NAALADL2: variants seen among roughly 807,000 people sequenced by gnomAD.
NAALADL2 encodes the protein inactive N-acetylated-alpha-linked acidic dipeptidase-like protein 2.
A neutral mutation model predicts 87.2 loss-of-function variants in NAALADL2; 76 were observed. That is an observed-to-expected ratio of 0.87 (90% CI 0.72 to 1.05). The LOEUF is 1.05. NAALADL2 is among the 50% of genes least tolerant of loss of function. The probability of loss-of-function intolerance (pLI) is 0.00; values close to 1 mark genes in which losing one functional copy is unlikely to be tolerated. For synonymous variants in NAALADL2, 354 were observed against 331.0 expected (o/e 1.07, Z -0.75); for missense variants, 1,089 against 945.8 (o/e 1.15, Z -1.99).
chr3:175,405,173 T>C (rs1403756914), intron 5 of NAALADL2, among the ~76,000 whole-genome samples: 1 of 152,190 alleles, frequency 6.6e-6, no homozygotes, highest in African/African-American at 2.4e-5. Context: ...AAATGCAACT[T>C]TAAACATCTT....
intron 1 of NAALADL2, among the ~76,000 whole-genome samples, chr3:174,972,103 T>C (rs1003501952): frequency 4.6e-5 from 7 of 152,094 alleles, no homozygotes; most frequent in African/African-American, 1.7e-4. Context: ...CCCCTCCATA[T>C]TTTCTTACTC....
chr3:174,685,907 G>C (rs1326143273), intron 2 of NAALADL2, among the ~76,000 whole-genome samples: 1 of 146,946 alleles, frequency 6.8e-6, no homozygotes, highest in Non-Finnish European at 1.5e-5. Flanking sequence ...GTATAAGTGA[G>C]AACATGCGGT....
At chr3:174,797,298 C>CTTT (rs765233495) in intron 3 of NAALADL2, among the ~76,000 whole-genome samples, 1,229 of 97,364 alleles carry the variant, frequency 0.013, 120 homozygotes, top group East Asian at 0.024. Context: ...TTTTGTTTTT[C>CTTT]TTTTTTCTTT....
chr3:175,607,017 ATT>A (rs1246468310), intron 10 of NAALADL2, among the ~76,000 whole-genome samples: 1 of 152,206 alleles, frequency 6.6e-6, no homozygotes, highest in Admixed American at 6.5e-5. Context: ...CACAAAAGCT[ATT>A]GAACTGCAGC....
intron 12 of NAALADL2, among the ~76,000 whole-genome samples, chr3:175,749,488 T>C (rs1376992847): frequency 6.6e-6 from 1 of 151,988 alleles, no homozygotes; most frequent in African/African-American, 2.4e-5. Context: ...AGTTTCTGCT[T>C]GTAAGAAGGC....
chr3:174,612,412 C>T (rs541558936), intron 2 of NAALADL2, among the ~76,000 whole-genome samples: 4 of 152,068 alleles, frequency 2.6e-5, no homozygotes, highest in Admixed American at 6.6e-5. Context: ...TCTTTAAGGC[C>T]GATAACTCTT....
chr3:174,804,925 AAG>A (rs939048627), intron 3 of NAALADL2, among the ~76,000 whole-genome samples: 8 of 152,174 alleles, frequency 5.3e-5, no homozygotes, highest in African/African-American at 1.2e-4. Context: ...AATTATCAAT[AAG>A]AGAGGTTCAA....
At chr3:175,142,314 C>A (rs1035225778) in intron 2 of NAALADL2, among the ~76,000 whole-genome samples, 1 of 151,918 alleles carries the variant, frequency 6.6e-6, no homozygotes, top group African/African-American at 2.4e-5. Context: ...TTATGTGGAA[C>A]CTTTGAAACA....
intron 9 of NAALADL2, among the ~76,000 whole-genome samples, chr3:175,532,033 C>T (rs1017893288): frequency 3.3e-5 from 5 of 152,174 alleles, no homozygotes; most frequent in African/African-American, 4.8e-5. Context: ...CCTAATAGCC[C>T]TCACCCTACC....
intron 11 of NAALADL2, among the ~76,000 whole-genome samples, chr3:175,653,240 A>C (rs1213618969): frequency 6.6e-5 from 10 of 152,022 alleles, no homozygotes; most frequent in Non-Finnish European, 1.5e-5. Context: ...AAAAAAAATC[A>C]GTGTAACTTT....
intron 10 of NAALADL2, chr3:175,581,300 G>T: frequency 5.7e-6 from 1 of 175,848 alleles, no homozygotes; most frequent in Non-Finnish European, 1.2e-5. Context: ...AAATTAGCTG[G>T]GCGTGGTGGC....
chr3:174,578,005 G>A (rs1265042906), intron 2 of NAALADL2, among the ~76,000 whole-genome samples: 1 of 151,938 alleles, frequency 6.6e-6, no homozygotes, highest in African/African-American at 2.4e-5. Context: ...CAGTGGATGG[G>A]CTTAACAGCA....
rs867599953 is a variant in NAALADL2, at chr3:175,681,781, G to C, written c.1896+54395G>C. Among the ~76,000 whole-genome samples, 10 of 152,262 alleles carry C rather than the reference G, an allele frequency of 6.6e-5. No individual in the cohort carries two copies. The Middle Eastern group carries it at 0.01, about 156-fold the overall frequency. On this transcript the variant is annotated intron_variant, in intron 11 of 13. Coordinates refer to ENST00000454872, the MANE Select transcript of NAALADL2 (RefSeq NM_207015.3). ...AAATAAATGTCTGAAAAATGCAGCT[G>C]TCTTAATGGAGATCAAAATCTGACT...
At chr3:174,551,238 GT>G (rs1358124580) in intron 2 of NAALADL2, 1 of 151,930 alleles carries the variant, frequency 6.6e-6, no homozygotes, top group Non-Finnish European at 1.5e-5. Context: ...AGTTCATTCA[GT>G]TTTCTGTTGG....
chr3:175,021,543 G>A (rs7432623), intron 1 of NAALADL2, among the ~76,000 whole-genome samples: 43,963 of 151,820 alleles, frequency 0.29, 9,475 homozygotes, highest in African/African-American at 0.61. Flanking sequence ...ACAAAATGCA[G>A]TGGTCTCACC....
At chr3:175,453,206 A>G (rs988424810) in intron 6 of NAALADL2, among the ~76,000 whole-genome samples, 1 of 152,144 alleles carries the variant, frequency 6.6e-6, no homozygotes, top group Admixed American at 6.6e-5. Flanking sequence ...AGAAATTCCA[A>G]CTAAACTTTG....
chr3:175,223,656 G>A (rs995492985), intron 2 of NAALADL2, among the ~76,000 whole-genome samples: 1 of 152,110 alleles, frequency 6.6e-6, no homozygotes, highest in African/African-American at 2.4e-5. Context: ...CCACAAGAAA[G>A]TATATAAAAA....
At position 175,113,832 on chromosome 3, in the gene NAALADL2, G is replaced by A. The variant is rs555532358; in HGVS notation, c.545+16541G>A. Among the ~76,000 whole-genome samples the A allele has an allele frequency of 6.7e-4, 102 of 151,508 alleles. No individual in the cohort carries two copies. The Middle Eastern group carries it at 0.014, about 20-fold the overall frequency. On this transcript the variant is annotated intron_variant, in intron 2 of 13. Coordinates refer to ENST00000454872, the MANE Select transcript of NAALADL2 (RefSeq NM_207015.3). The stretch of plus-strand genomic sequence containing the variant: ...ATACTATATTCATCTTTTCAAAATC[G>A]TAAACAAACCCAAAGTTTTCTCTGG...
At chr3:175,690,082 A>C (rs889547223) in intron 11 of NAALADL2, among the ~76,000 whole-genome samples, 5 of 152,090 alleles carry the variant, frequency 3.3e-5, no homozygotes, top group Non-Finnish European at 5.9e-5. Flanking sequence ...GAGTATAGAT[A>C]TATTGACTAT....
Sources: allele counts gnomAD v4.1 joint callset (sites outside exome capture counted in the v4.1 genomes callset), GRCh38; gene constraint gnomAD v4.1.1; transcripts MANE v1.5; gene names NCBI Gene and HGNC (gene_info 2026-07-23, HGNC 2026-07-21).